IFFO1: variants seen among roughly 807,000 people sequenced by gnomAD.
IFFO1 encodes intermediate filament family orphan 1.
In IFFO1, 42 loss-of-function variants were observed where a neutral mutation model predicts 59.6. The ratio of observed to expected loss-of-function variants is 0.70; its 90% CI spans 0.55 to 0.91. IFFO1 has a LOEUF of 0.91. IFFO1 is among the 40% of genes least tolerant of loss of function. The pLI is 0.00. For synonymous variants in IFFO1, 336 were observed against 342.8 expected, an observed-to-expected ratio of 0.98 and a Z score of 0.22; for missense variants, 711 against 793.2, an observed-to-expected ratio of 0.90 and a Z score of 1.24.
chr12:6,540,926 T>TA (rs1693438732), intron 9 of IFFO1, among the ~76,000 whole-genome samples: 1 of 147,954 alleles, frequency 6.8e-6, no homozygotes, highest in African/African-American at 2.5e-5. Context: ...CCATCTCTAC[T>TA]AAAAATGCAA....
At chr12:6,545,707 A>AAC (rs1946927805) in intron 8 of IFFO1, among the ~76,000 whole-genome samples, 1 of 151,688 alleles carries the variant, frequency 6.6e-6, no homozygotes, top group Non-Finnish European at 1.5e-5. Context: ...CGGAAAAAAA[A>AAC]AAAAAAACCT....
Position 6,548,644 on chromosome 12 carries a change from CG to C in IFFO1, c.1262+23del, listed in dbSNP as rs1565570798. On this transcript the variant is annotated intron_variant, in intron 6 of 9. Transcript: ENST00000619571. The surrounding 1 kb of genome is among the most constrained non-coding windows in gnomAD (Gnocchi z 6.1). ...CTGGGCTGCTGTGGCGTCGGTGCTG[CG>C]GGAGCACGGCCTGCGGACTCACAGC... 11 of 1,613,954 alleles carry C rather than the reference CG, an allele frequency of 6.8e-6. No individual in the cohort carries two copies. Among genetic ancestry groups the C allele is most frequent in the Non-Finnish European group, 8.5e-6 (10 of 1,179,922 alleles).
At position 6,550,760 on chromosome 12, in the gene IFFO1, C is replaced by T; in HGVS notation, c.865G>A (p.Glu289Lys). The change falls in exon 3 of 10, where the codon GAG (glutamate) becomes AAG (lysine). Residue 289 changes from glutamate to lysine, a missense_variant. By Grantham distance (56) the Glu-to-Lys change is moderately conservative. This residue lies in a region of IFFO1 where 579 missense variants were observed against 650.3 expected (regional missense o/e 0.89). Transcript: ENST00000619571. The part of the protein sequence containing the change: ...EAQEADACQE[E>K]LALKVEQLKA... ...AACTGTTCCACCTTCAGTGCCAGCT[C>T]CTCCTGGCAGGCATCAGCCTCCTGG... 1 of 1,614,160 alleles carries T rather than the reference C, an allele frequency of 6.2e-7. No individual in the cohort carries two copies. Among genetic ancestry groups the T allele is most frequent in the South Asian group, 1.1e-5 (1 of 91,084 alleles).
At position 6,555,240 on chromosome 12, in the gene IFFO1, C is replaced by T. The variant is rs759935291; in HGVS notation, c.773+17G>A. The stretch of plus-strand genomic sequence containing the variant: ...GGTATGACACAGAGAGACCTGTCCC[C>T]CTTTCCCAATCCCTACCTCCGCTTG... On this transcript the variant is annotated intron_variant, in intron 1 of 9. Coordinates refer to ENST00000619571, the MANE Select transcript of IFFO1 (RefSeq NM_001193457.2). The surrounding 1 kb of genome is among the most constrained non-coding windows in gnomAD (Gnocchi z 8.6). 3.7e-5 allele frequency: 59 copies of T among 1,613,174 alleles called. No individual in the cohort carries two copies. The East Asian group carries it at 1.3e-3, about 36-fold the overall frequency.
chr12:6,544,130 C>T (rs1178845366), intron 8 of IFFO1, among the ~76,000 whole-genome samples: 1 of 151,388 alleles, frequency 6.6e-6, no homozygotes, highest in African/African-American at 2.4e-5. Context: ...AGTCATTGCA[C>T]TGGGAGAGAG....
chr12:6,551,611 G>A, intron 1 of IFFO1: 2 of 570,014 alleles, frequency 3.5e-6, no homozygotes, highest in South Asian at 3.0e-5. Flanking sequence ...CCTCCTCTAA[G>A]GGAGTCACAG....
At chr12:6,551,659 C>A in intron 1 of IFFO1, 1 of 419,152 alleles carries the variant, frequency 2.4e-6, no homozygotes. Flanking sequence ...GGAAGTCCCA[C>A]AGCAGCATGA....
Position 6,540,355 on chromosome 12 carries a change from A to T in IFFO1, c.*128T>A, listed in dbSNP as rs1946642481. 1 of 763,376 alleles carries T rather than the reference A, an allele frequency of 1.3e-6. No homozygotes were observed. The highest frequency in any genetic ancestry group is 2.3e-6 in the Non-Finnish European group (1 of 436,838). The allele number at this position is 763,376 out of a possible 1,614,324, so 47.3% of individuals were successfully genotyped here. ...ACTGAGGGAGAAAGCCTGAGGGAGG[A>T]GCGCCCCAGTCCCCAGGGACCGGCC... On this transcript the variant is annotated 3_prime_UTR_variant, in exon 10 of 10. Transcript: ENST00000619571.
chr12:6,551,822 G>C, intron 1 of IFFO1: 1 of 299,686 alleles, frequency 3.3e-6, no homozygotes, highest in Admixed American at 4.3e-5. Flanking sequence ...ACTGCAAGTG[G>C]GCCGGACGAC....
In IFFO1 at chr12:6,549,031, G is replaced by C; in HGVS notation, c.1081-182C>G. 1.6e-6 allele frequency: 1 copy of C among 611,052 alleles called. No individual in the cohort carries two copies. The highest frequency in any genetic ancestry group is 2.9e-6 in the Non-Finnish European group (1 of 348,250). 37.9% of individuals were successfully genotyped at this position (611,052 alleles called of 1,614,324 possible). A position where few individuals can be genotyped will look rare whatever the true frequency, so the allele number is the denominator to read the frequency against. On this transcript the variant is annotated intron_variant, in intron 5 of 9. Coordinates refer to ENST00000619571, the MANE Select transcript of IFFO1 (RefSeq NM_001193457.2). This position sits in a 1 kb window ranked among gnomAD's most constrained non-coding sequence, Gnocchi z 5.0. ...CACCAAGGGCCAGACACACAGCGGGGGTCAGGGCTGCAAACCGAGAAGGCA... is the reference window on the plus strand; with the variant it reads ...CACCAAGGGCCAGACACACAGCGGGCGTCAGGGCTGCAAACCGAGAAGGCA...
downstream of IFFO1, chr12:6,539,095 C>CG (rs1946575720): frequency 1.3e-5 from 2 of 152,328 alleles, no homozygotes; most frequent in South Asian, 4.1e-4. Context: ...TGCCACTGAA[C>CG]GGCTCAGTTG....
chr12:6,553,793 G>A (rs1206075643), intron 1 of IFFO1, among the ~76,000 whole-genome samples: 2 of 152,108 alleles, frequency 1.3e-5, no homozygotes, highest in African/African-American at 4.8e-5. Flanking sequence ...TCAAGGGTCT[G>A]TAGTCATGTG....
chr12:6,551,403 G>A, intron 1 of IFFO1: 1 of 1,304,332 alleles, frequency 7.7e-7, no homozygotes, highest in Non-Finnish European at 1.0e-6. Flanking sequence ...CCCACCTTCA[G>A]TCGCACAGAT....
chr12:6,549,545 G>C lies in IFFO1; in HGVS notation c.1072-61C>G. ...GAGGAGAGGAAGCAGACAGAGGAGAGAGAGGGGGAAGGGAGAGACGGCGTT... is the reference window on the plus strand; with the variant it reads ...GAGGAGAGGAAGCAGACAGAGGAGACAGAGGGGGAAGGGAGAGACGGCGTT... On this transcript the variant is annotated intron_variant, in intron 4 of 9. Coordinates refer to ENST00000619571, the MANE Select transcript of IFFO1 (RefSeq NM_001193457.2). This position sits in a 1 kb window ranked among gnomAD's most constrained non-coding sequence, Gnocchi z 5.0. The C allele has an allele frequency of 2.1e-6, 3 of 1,459,520 alleles. No individual in the cohort carries two copies. The highest frequency in any genetic ancestry group is 2.9e-6 in the Non-Finnish European group (3 of 1,040,260). 90.4% of individuals were successfully genotyped at this position (1,459,520 alleles called of 1,614,324 possible). A position where few individuals can be genotyped will look rare whatever the true frequency, so the allele number is the denominator to read the frequency against.
Position 6,539,553 on chromosome 12 carries a change from A to G in IFFO1, c.*930T>C, listed in dbSNP as rs1042493184. The G allele has an allele frequency of 6.6e-6, 1 of 152,136 alleles. No homozygotes were observed. Among genetic ancestry groups the G allele is most frequent in the Non-Finnish European group, 1.5e-5 (1 of 68,022 alleles). The allele number at this position is 152,136 out of a possible 1,614,324, so 9.4% of individuals were successfully genotyped here. On this transcript the variant is annotated 3_prime_UTR_variant, in exon 10 of 10. Coordinates refer to ENST00000619571, the MANE Select transcript of IFFO1 (RefSeq NM_001193457.2). ...TGCACAATAAATACTCGCCAGTTTC[A>G]TTATTATTAAAGAATCCATTTGAAT... is the stretch of plus-strand genomic sequence containing the variant.
rs2136084185 is a variant in IFFO1 at position 6,540,411 on chromosome 12, T to C, written c.*72A>G. 1 of 1,219,670 alleles carries C rather than the reference T, an allele frequency of 8.2e-7. No homozygotes were observed. The highest frequency in any genetic ancestry group is 2.3e-5 in the East Asian group (1 of 43,014). The allele number at this position is 1,219,670 out of a possible 1,614,324, so 75.6% of individuals were successfully genotyped here. On this transcript the variant is annotated 3_prime_UTR_variant, in exon 10 of 10. Coordinates refer to ENST00000619571, the MANE Select transcript of IFFO1 (RefSeq NM_001193457.2). Reference sequence around the variant, plus strand: ...CAGAGCTGCAGCTGATGTTCCCCTCTGTGCAGCCCCACCCTCTGCCTCGCT... The same window carrying C: ...CAGAGCTGCAGCTGATGTTCCCCTCCGTGCAGCCCCACCCTCTGCCTCGCT...
Position 6,555,831 on chromosome 12 carries a change from G to T in IFFO1, c.199C>A (p.Arg67Ser), listed in dbSNP as rs1428133933. Residue 67 changes from arginine to serine, a missense_variant, in exon 1 of 10, where the codon CGC becomes AGC. Arg to Ser is a moderately radical substitution (Grantham distance 110, BLOSUM62 -1). This residue lies in a region of IFFO1 where 114 missense variants were observed against 102.4 expected (regional missense o/e 1.11). Coordinates refer to ENST00000619571, the MANE Select transcript of IFFO1 (RefSeq NM_001193457.2). This position sits in a 1 kb window ranked among gnomAD's most constrained non-coding sequence, Gnocchi z 8.6. Reference protein sequence around the residue: ...GPAPPAAMALRNDLGSNINVL... With the variant: ...GPAPPAAMALSNDLGSNINVL... The stretch of plus-strand genomic sequence containing the variant: ...TTGATGTTGGAGCCCAGGTCATTGC[G>T]GAGGGCCATGGCGGCAGGCGGGGCC... 8 of 1,611,372 alleles carry T rather than the reference G, an allele frequency of 5.0e-6. No homozygotes were observed. Among genetic ancestry groups the T allele is most frequent in the African/African-American group, 1.3e-5 (1 of 74,464 alleles).
Position 6,548,227 on chromosome 12 carries a change from C to T in IFFO1, c.1384-67G>A, listed in dbSNP as rs1041877438. ...ATGGGATGGGACGCATTCCAAAGGG[C>T]CAAGTCAGGGAGAGAGAGAGAGAGG... is the stretch of plus-strand genomic sequence containing the variant. On this transcript the variant is annotated intron_variant, in intron 7 of 9. Coordinates refer to ENST00000619571, the MANE Select transcript of IFFO1 (RefSeq NM_001193457.2). The surrounding 1 kb of genome is among the most constrained non-coding windows in gnomAD (Gnocchi z 6.1). The T allele has an allele frequency of 7.1e-7, 1 of 1,416,132 alleles. No individual in the cohort carries two copies. Among genetic ancestry groups the T allele is most frequent in the Non-Finnish European group, 1.0e-6 (1 of 1,001,162 alleles). The allele number at this position is 1,416,132 out of a possible 1,614,324, so 87.7% of individuals were successfully genotyped here. A position where few individuals can be genotyped will look rare whatever the true frequency, so the allele number is the denominator to read the frequency against.
At chr12:6,550,597 C>G in intron 3 of IFFO1, 98 bp downstream of exon 3, 1 of 813,026 alleles carries the variant, frequency 1.2e-6, no homozygotes, top group South Asian at 1.5e-5. Context: ...AGGGGAGGAG[C>G]CGTGGACGGG....
Sources: allele counts gnomAD v4.1 joint callset (sites outside exome capture counted in the v4.1 genomes callset), GRCh38; gene constraint gnomAD v4.1.1; regional missense constraint gnomAD v4.1.1; non-coding constraint Gnocchi (gnomAD v3.1); transcripts MANE v1.5; gene names NCBI Gene and HGNC (gene_info 2026-07-23, HGNC 2026-07-21).